The following CSMD1 variants were observed in gnomAD, a reference collection of about 807,000 sequenced individuals.
CSMD1 encodes the protein CUB and sushi domain-containing protein 1.
A neutral mutation model predicts 417.5 loss-of-function variants in CSMD1; 213 were observed. The observed-to-expected ratio is 0.51, with a 90% CI of 0.46 to 0.57. CSMD1 has a LOEUF of 0.57. CSMD1 is among the 20% of genes least tolerant of loss of function. CSMD1 has a pLI of 0.00. For synonymous variants in CSMD1, 2,862 were observed against 1,736.8 expected, an observed-to-expected ratio of 1.65 and a Z score of -16.11; for missense variants, 6,923 against 4,529.7, an observed-to-expected ratio of 1.53 and a Z score of -15.17.
In CSMD1 at chr8:4,404,561, T is replaced by C. The variant is rs572371487; in HGVS notation, c.415+15392A>G. On this transcript the variant is annotated intron_variant, in intron 3 of 69. Coordinates refer to ENST00000635120, the MANE Select transcript of CSMD1 (RefSeq NM_033225.6). ...TGATGTTTAATATTAAATATGAACATTTTTAAAACTCACTTAAATTTTAGC... is the reference window on the plus strand; with the variant it reads ...TGATGTTTAATATTAAATATGAACACTTTTAAAACTCACTTAAATTTTAGC... Among the ~76,000 whole-genome samples the C allele has an allele frequency of 5.3e-5, 8 of 152,280 alleles. No individual in the cohort carries two copies. In the East Asian group the frequency reaches 1.5e-3, roughly 29 times the overall value.
At chr8:4,457,554 G>T (rs1451605720) in intron 2 of CSMD1, among the ~76,000 whole-genome samples, 2 of 151,700 alleles carry the variant, frequency 1.3e-5, no homozygotes, top group Non-Finnish European at 2.9e-5. Context: ...ATACTAGATG[G>T]GCCTGTTAAT....
chr8:4,489,046 G>A (rs988208260), intron 2 of CSMD1, among the ~76,000 whole-genome samples: 12 of 152,278 alleles, frequency 7.9e-5, no homozygotes, highest in Admixed American at 3.3e-4. Context: ...GAGTAGCTGG[G>A]AATACAGGTG....
At chr8:3,941,465 C>T (rs1339287681) in intron 5 of CSMD1, among the ~76,000 whole-genome samples, 1 of 152,070 alleles carries the variant, frequency 6.6e-6, no homozygotes, top group South Asian at 2.1e-4. Flanking sequence ...ACACTAAGGT[C>T]CTATTAAATG....
At chr8:3,600,623 G>C (rs187441880) in intron 8 of CSMD1, among the ~76,000 whole-genome samples, 2 of 152,152 alleles carry the variant, frequency 1.3e-5, no homozygotes, top group African/African-American at 4.8e-5. Flanking sequence ...GCTGGTGGCA[G>C]TGGAAAACGA....
Position 4,031,901 on chromosome 8 carries a change from G to A in CSMD1, c.610+4C>T, listed in dbSNP as rs956256720. 8 of 1,611,652 alleles carry A rather than the reference G, an allele frequency of 5.0e-6. No individual in the cohort carries two copies. The highest frequency in any genetic ancestry group is 4.5e-5 in the East Asian group (2 of 44,862). The stretch of plus-strand genomic sequence containing the variant: ...TGCTCACCAGCCCCCTTGTAGCACT[G>A]TACCTCTGCAAAAGGGAGCTGGGAA... On this transcript the variant is annotated splice_donor_region_variant and intron_variant, in intron 4 of 69. Transcript: ENST00000635120.
At chr8:3,215,358 C>G (rs1454068624) in intron 29 of CSMD1, among the ~76,000 whole-genome samples, 1 of 152,140 alleles carries the variant, frequency 6.6e-6, no homozygotes, top group Non-Finnish European at 1.5e-5. Flanking sequence ...TACTAACAGC[C>G]AATAGTTCTA....
intron 64 of CSMD1, 34 bp downstream of exon 64, chr8:2,955,555 G>A (rs748885626): frequency 4.4e-6 from 7 of 1,607,014 alleles, no homozygotes; most frequent in Non-Finnish European, 6.0e-6. Context: ...CTTGCTCTTT[G>A]GAAAAGTATG....
chr8:4,493,471 G>A (rs1801824329), intron 2 of CSMD1, among the ~76,000 whole-genome samples: 1 of 152,142 alleles, frequency 6.6e-6, no homozygotes, highest in Non-Finnish European at 1.5e-5. Context: ...TGAGGCAAGA[G>A]GATTGCTTGA....
chr8:4,415,449 C>G lies in CSMD1; in HGVS notation c.415+4504G>C, dbSNP rs566739509. Among the ~76,000 whole-genome samples the G allele has an allele frequency of 7.4e-5, 11 of 147,944 alleles. 1 individual carries two copies. The South Asian group carries it at 2.4e-3, about 32-fold the overall frequency. On this transcript the variant is annotated intron_variant, in intron 3 of 69. Transcript: ENST00000635120. The stretch of plus-strand genomic sequence containing the variant: ...GCACGTGCTTTAATAACACGCTCTT[C>G]AGGTCGTGGCCTGAGCCCACTCTGT...
chr8:4,064,682 T>C (rs541090582), intron 3 of CSMD1, among the ~76,000 whole-genome samples: 13 of 152,342 alleles, frequency 8.5e-5, no homozygotes, highest in Admixed American at 1.3e-4. Context: ...CCTCCAACAC[T>C]GCTGCTGCCC....
chr8:3,674,935 C>T (rs529478966), intron 7 of CSMD1, among the ~76,000 whole-genome samples: 1 of 152,160 alleles, frequency 6.6e-6, no homozygotes, highest in Non-Finnish European at 1.5e-5. Context: ...CACGTCACCC[C>T]CTAAGCCTCT....
At chr8:4,158,891 G>C (rs1306267290) in intron 3 of CSMD1, among the ~76,000 whole-genome samples, 1 of 152,100 alleles carries the variant, frequency 6.6e-6, no homozygotes, top group Non-Finnish European at 1.5e-5. Flanking sequence ...ACTGTTTCCA[G>C]CTGAAAAGAA....
intron 5 of CSMD1, among the ~76,000 whole-genome samples, chr8:3,761,333 T>C (rs753617999): frequency 6.6e-6 from 1 of 152,114 alleles, no homozygotes; most frequent in African/African-American, 2.4e-5. Flanking sequence ...TTTACATAGT[T>C]ACCAATATTT....
At position 4,548,050 on chromosome 8, in the gene CSMD1, G is replaced by A. The variant is rs949506283; in HGVS notation, c.302+89292C>T. Among the ~76,000 whole-genome samples the A allele has an allele frequency of 7.9e-5, 12 of 152,232 alleles. No individual in the cohort carries two copies. In the East Asian group the frequency reaches 9.7e-4, roughly 12 times the overall value. On this transcript the variant is annotated intron_variant, in intron 2 of 69. Transcript: ENST00000635120. ...ACATTGTGGGTTACAGCCAACCCTT[G>A]CAATATATTAAATAAAAGGCACAGT...
At chr8:4,717,440 T>C (rs1297322176) in intron 1 of CSMD1, among the ~76,000 whole-genome samples, 1 of 150,632 alleles carries the variant, frequency 6.6e-6, no homozygotes, top group Non-Finnish European at 1.5e-5. Context: ...ACATACACTA[T>C]ATATATACAC....
chr8:4,512,523 T>A (rs897583571), intron 2 of CSMD1, among the ~76,000 whole-genome samples: 1 of 152,150 alleles, frequency 6.6e-6, no homozygotes, highest in African/African-American at 2.4e-5. Context: ...TGTCTATGTA[T>A]AACATCCTAA....
chr8:4,905,725 C>T (rs953360992), intron 1 of CSMD1, among the ~76,000 whole-genome samples: 5 of 146,932 alleles, frequency 3.4e-5, no homozygotes, highest in South Asian at 2.1e-4. Flanking sequence ...GAGGCTGAGG[C>T]AGGAGAATGG....
intron 2 of CSMD1, among the ~76,000 whole-genome samples, chr8:4,480,868 C>T (rs1427338138): frequency 6.6e-6 from 1 of 152,160 alleles, no homozygotes; most frequent in East Asian, 1.9e-4. Flanking sequence ...CCCTGGGTCC[C>T]TGGTTAAAGA....
At chr8:3,868,210 G>C (rs1381138931) in intron 5 of CSMD1, among the ~76,000 whole-genome samples, 2 of 141,702 alleles carry the variant, frequency 1.4e-5, no homozygotes, top group Non-Finnish European at 3.0e-5. Context: ...TGCGCCTGTA[G>C]AAAAAACCCA....
Sources: gnomAD v4.1 joint callset for allele counts (sites outside exome capture counted in the v4.1 genomes callset) on GRCh38, gnomAD v4.1.1 for gene constraint, MANE v1.5 for transcripts, NCBI Gene and HGNC (gene_info 2026-07-23, HGNC 2026-07-21) for gene names.